MAP4K1: variants seen among roughly 807,000 people sequenced by gnomAD.
The protein encoded by MAP4K1 is mitogen-activated protein kinase kinase kinase kinase 1.
In MAP4K1, 35 loss-of-function variants were observed where a neutral mutation model predicts 122.8. The observed-to-expected ratio is 0.29, with a 90% CI of 0.22 to 0.38. The LOEUF is 0.38. Among genes scored for constraint, MAP4K1 ranks in the 10% least tolerant of loss-of-function variants. The probability of loss-of-function intolerance (pLI) is 1.00; values close to 1 mark genes in which losing one functional copy is unlikely to be tolerated. For missense variants in MAP4K1, 791 were observed against 1,072.6 expected, an observed-to-expected ratio of 0.74 and a Z score of 3.67; for synonymous variants, 412 against 421.3, an observed-to-expected ratio of 0.98 and a Z score of 0.27.
chr19:38,614,263 C>T lies in MAP4K1; in HGVS notation c.399G>A (p.Lys133=), dbSNP rs1206597506. Residue 133 remains lysine (K), a synonymous_variant, in exon 6 of 31, where the codon AAG becomes AAA. Transcript: ENST00000396857. ...AGACCACCTTGATGTCCCTGTGTATCTTCTTCTGTGAGTGCAAATAGGCCA... is the reference window on the plus strand; with the variant it reads ...AGACCACCTTGATGTCCCTGTGTATTTTCTTCTGTGAGTGCAAATAGGCCA... The part of the protein sequence containing the change: ...QGLAYLHSQK[K]IHRDIKGANI... The T allele has an allele frequency of 5.6e-6, 9 of 1,613,992 alleles. No individual in the cohort carries two copies. The highest frequency in any genetic ancestry group is 7.6e-6 in the Non-Finnish European group (9 of 1,179,984).
chr19:38,591,209 G>T lies in MAP4K1; in HGVS notation c.2396+2073C>A, dbSNP rs200445627. 1.9e-4 allele frequency among the ~76,000 whole-genome samples: 28 copies of T among 150,486 alleles called. No individual in the cohort carries two copies. The East Asian group carries it at 4.3e-3, about 23-fold the overall frequency. ...CTGTCTCAAGAAAAGAAAAAAAAAAGAATAATAAGGCAAATGCGGTTAAAA... is the reference window on the plus strand; with the variant it reads ...CTGTCTCAAGAAAAGAAAAAAAAAATAATAATAAGGCAAATGCGGTTAAAA... On this transcript the variant is annotated intron_variant, in intron 30 of 30. Coordinates refer to ENST00000396857, the MANE Select transcript of MAP4K1 (RefSeq NM_001042600.3).
In MAP4K1 at chr19:38,605,660, AC is replaced by A; in HGVS notation, c.1270del (p.Val424CysfsTer56). 6.2e-7 allele frequency: 1 copy of A among 1,603,988 alleles called. No homozygotes were observed. On this transcript the variant is annotated frameshift_variant, in exon 18 of 31. Coordinates refer to ENST00000396857, the MANE Select transcript of MAP4K1 (RefSeq NM_001042600.3). LOFTEE classifies it high-confidence loss of function. ...GGGCCCACTGGCACACCGGACCAGC[AC>A]CCCCGGGCTCAGCTGCCCATCATCC... ...MGDDGQLSPG[V>X]LVRCASGPPP...
At chr19:38,603,167 T>C (rs561953737) in intron 19 of MAP4K1, among the ~76,000 whole-genome samples, 51 of 149,872 alleles carry the variant, frequency 3.4e-4, no homozygotes, top group Non-Finnish European at 6.2e-4. Context: ...TGTATACATA[T>C]ATACACATGT....
chr19:38,615,899 T>G (rs188953692), intron 4 of MAP4K1, among the ~76,000 whole-genome samples: 1 of 148,846 alleles, frequency 6.7e-6, no homozygotes, highest in African/African-American at 2.5e-5. Flanking sequence ...CCTCAGGTGA[T>G]CCGCCCACCT....
In MAP4K1 at chr19:38,596,013, G is replaced by C. The variant is rs781586977; in HGVS notation, c.2117-12C>G. The C allele has an allele frequency of 1.9e-6, 3 of 1,613,444 alleles. No individual in the cohort carries two copies. Among genetic ancestry groups the C allele is most frequent in the East Asian group, 4.5e-5 (2 of 44,862 alleles). On this transcript the variant is annotated splice_polypyrimidine_tract_variant and intron_variant, in intron 26 of 30. Coordinates refer to ENST00000396857, the MANE Select transcript of MAP4K1 (RefSeq NM_001042600.3). Reference sequence around the variant, plus strand: ...GGGTCCCCTGTGCTCTGTTTGGGGGGAGTGGGTTAAGGATTGACCCCACCC... The same window carrying C: ...GGGTCCCCTGTGCTCTGTTTGGGGGCAGTGGGTTAAGGATTGACCCCACCC...
chr19:38,590,599 C>T (rs1204504471), intron 30 of MAP4K1, among the ~76,000 whole-genome samples: 1 of 151,152 alleles, frequency 6.6e-6, no homozygotes, highest in East Asian at 2.0e-4. Context: ...CTGCCTCAGC[C>T]TCCCAGCTGG....
Position 38,587,680 on chromosome 19 carries a change from G to T in MAP4K1, c.*68C>A. The stretch of plus-strand genomic sequence containing the variant: ...CATGTTTATTGGGAGATGAGGACAT[G>T]CCATGACCACTAGTGTGTCTATGGG... On this transcript the variant is annotated 3_prime_UTR_variant, in exon 31 of 31. Coordinates refer to ENST00000396857, the MANE Select transcript of MAP4K1 (RefSeq NM_001042600.3). The T allele has an allele frequency of 2.5e-6, 3 of 1,214,052 alleles. No homozygotes were observed. Among genetic ancestry groups the T allele is most frequent in the Non-Finnish European group, 3.7e-6 (3 of 817,642 alleles). The allele number at this position is 1,214,052 out of a possible 1,614,324, so 75.2% of individuals were successfully genotyped here.
chr19:38,601,611 A>C (rs1178822183), intron 19 of MAP4K1, 86 bp from the exon 20 acceptor site: 1 of 967,414 alleles, frequency 1.0e-6, no homozygotes, highest in Non-Finnish European at 1.6e-6. Context: ...CTTTGGAGCG[A>C]GAGTGCCAAG....
chr19:38,600,488 T>C (rs1021642663), intron 20 of MAP4K1, among the ~76,000 whole-genome samples: 5 of 152,078 alleles, frequency 3.3e-5, no homozygotes, highest in East Asian at 1.9e-4. Context: ...TCTGATACCC[T>C]AATGCCAATC....
At chr19:38,609,824 G>C in intron 12 of MAP4K1, 85 bp downstream of exon 12, 1 of 1,355,830 alleles carries the variant, frequency 7.4e-7, no homozygotes, top group Non-Finnish European at 1.1e-6. Flanking sequence ...CCCTAAGAGA[G>C]GCAGCAGGAA....
chr19:38,617,641 T>G lies in MAP4K1; in HGVS notation c.100-16A>C. 6.2e-7 allele frequency: 1 copy of G among 1,614,042 alleles called. No homozygotes were observed. The highest frequency in any genetic ancestry group is 8.5e-7 in the Non-Finnish European group (1 of 1,179,964). ...TGTCTCGAGCCTTGCAAAGGGGAAG[T>G]TGGCAGTCAGGCAGGCTCCATTTGC... On this transcript the variant is annotated splice_polypyrimidine_tract_variant and intron_variant, in intron 1 of 30. Transcript: ENST00000396857. The surrounding 1 kb of genome is among the most constrained non-coding windows in gnomAD (Gnocchi z 4.1).
intron 30 of MAP4K1, among the ~76,000 whole-genome samples, chr19:38,590,839 T>C (rs1267308969): frequency 1.3e-5 from 2 of 151,988 alleles, no homozygotes; most frequent in African/African-American, 4.8e-5. Context: ...GTTTTCTTGA[T>C]TTTGACAGCT....
intron 26 of MAP4K1, 135 bp downstream of exon 26, chr19:38,596,177 C>A: frequency 7.4e-7 from 1 of 1,344,618 alleles, no homozygotes; most frequent in Non-Finnish European, 1.0e-6. Context: ...TAACTAAAAC[C>A]TGCCATTCTC....
At position 38,609,691 on chromosome 19, in the gene MAP4K1, C is replaced by T; in HGVS notation, c.928-17G>A. On this transcript the variant is annotated splice_polypyrimidine_tract_variant and intron_variant, in intron 12 of 30. Transcript: ENST00000396857. ...AGGGGGTAGCTGGGCAGAGGGGCAG[C>T]CACGTCAGGGCTCAAGACCCCCAAG... is the stretch of plus-strand genomic sequence containing the variant. The T allele has an allele frequency of 6.2e-7, 1 of 1,603,958 alleles. No homozygotes were observed.
At chr19:38,615,689 G>A (rs1277901148) in intron 4 of MAP4K1, among the ~76,000 whole-genome samples, 7 of 152,146 alleles carry the variant, frequency 4.6e-5, no homozygotes, top group East Asian at 1.9e-4. Context: ...TCTCAATGAC[G>A]TCCTTCCTTT....
chr19:38,615,802 C>T (rs1053652282), intron 4 of MAP4K1, among the ~76,000 whole-genome samples: 2 of 152,012 alleles, frequency 1.3e-5, no homozygotes, highest in African/African-American at 4.8e-5. Context: ...GGATTACAGG[C>T]GTCTGCCACC....
rs55922338 is a variant in MAP4K1, at chr19:38,595,964, T to A, written c.2154A>T (p.Glu718Asp). The A allele has an allele frequency of 6.2e-7, 1 of 1,613,834 alleles. No homozygotes were observed. Among genetic ancestry groups the A allele is most frequent in the South Asian group, 1.1e-5 (1 of 91,064 alleles). The change falls in exon 27 of 31, where the codon GAA becomes GAT. Residue 718 changes from glutamate to aspartate, a missense_variant. By Grantham distance (45) the Glu-to-Asp change is conservative. This residue lies in a region of MAP4K1 where 267 missense variants were observed against 323.0 expected (regional missense o/e 0.83). Transcript: ENST00000396857. ...RGPVQVTQVE[E>D]DMVMVLMDGS... The stretch of plus-strand genomic sequence containing the variant: ...CATCCATCAACACCATCACCATATC[T>A]TCCTCTACCTGGGTCACCTGCACGG...
chr19:38,591,885 C>T lies in MAP4K1; in HGVS notation c.2396+1397G>A, dbSNP rs556165525. ...ACTCGGGAGGCTGAGGCAGGAGAAT[C>T]GCGTGAACCCAGTGGGTGGAGGTTG... On this transcript the variant is annotated intron_variant, in intron 30 of 30. Coordinates refer to ENST00000396857, the MANE Select transcript of MAP4K1 (RefSeq NM_001042600.3). Among the ~76,000 whole-genome samples, 6 of 151,570 alleles carry T rather than the reference C, an allele frequency of 4.0e-5. 1 individual carries two copies. Among genetic ancestry groups the T allele is most frequent in the East Asian group, 1.9e-4 (1 of 5,152 alleles).
intron 19 of MAP4K1, among the ~76,000 whole-genome samples, chr19:38,605,107 A>T (rs1005759701): frequency 2.0e-5 from 3 of 150,128 alleles, no homozygotes; most frequent in African/African-American, 7.3e-5. Context: ...AAAAAAAAGC[A>T]GAAACAACAA....
Sources: allele counts gnomAD v4.1 joint callset (sites outside exome capture counted in the v4.1 genomes callset), GRCh38; gene constraint gnomAD v4.1.1; regional missense constraint gnomAD v4.1.1; non-coding constraint Gnocchi (gnomAD v3.1); transcripts MANE v1.5; gene names NCBI Gene and HGNC (gene_info 2026-07-23, HGNC 2026-07-21).